Variants in HSPA9 observed in about 807,000 individuals in gnomAD.
The protein encoded by HSPA9 is stress-70 protein, mitochondrial.
HSPA9 carries 28 observed loss-of-function variants against 81.5 expected under a neutral mutation model. The observed-to-expected ratio is 0.34, with a 90% confidence interval of 0.25 to 0.47. HSPA9 has a LOEUF of 0.47. Ranked by LOEUF, HSPA9 falls within the 20% of genes least tolerant of loss-of-function variation. The pLI is 1.00. For synonymous variants in HSPA9, 293 were observed against 290.4 expected (o/e 1.01, Z -0.09); for missense variants, 678 against 838.0 (o/e 0.81, Z 2.36).
chr5:138,570,631 A>G (rs1750862206), intron 4 of HSPA9, among the ~76,000 whole-genome samples: 1 of 152,084 alleles, frequency 6.6e-6, no homozygotes. Context: ...GATTACAGGC[A>G]CCCACCATCA....
intron 2 of HSPA9, 55 bp from the exon 3 acceptor site, chr5:138,573,905 C>T: frequency 1.4e-6 from 2 of 1,397,492 alleles, no homozygotes; most frequent in Non-Finnish European, 2.0e-6. Flanking sequence ...AGACCAAAGT[C>T]ACTGGAAGAT....
At chr5:138,565,951 C>T (rs866798866) in intron 9 of HSPA9, among the ~76,000 whole-genome samples, 4 of 152,194 alleles carry the variant, frequency 2.6e-5, no homozygotes, top group East Asian at 3.9e-4. Context: ...TTTGGGAGGC[C>T]GAGGCAGGTC....
At chr5:138,562,738 G>T (rs1304091886) in intron 9 of HSPA9, among the ~76,000 whole-genome samples, 1 of 152,138 alleles carries the variant, frequency 6.6e-6, no homozygotes, top group African/African-American at 2.4e-5. Context: ...CCTTCACCAA[G>T]TTTTAAAAAT....
chr5:138,561,943 A>T (rs548009919), intron 9 of HSPA9, among the ~76,000 whole-genome samples, 154 bp from the exon 10 acceptor site: 1 of 149,980 alleles, frequency 6.7e-6, no homozygotes, highest in South Asian at 2.1e-4. Context: ...CACCAAGAAT[A>T]CTTTTTTTTT....
intron 9 of HSPA9, among the ~76,000 whole-genome samples, chr5:138,562,411 C>T (rs146122798): frequency 1.2e-4 from 18 of 151,622 alleles, no homozygotes; most frequent in African/African-American, 1.2e-4. Flanking sequence ...ATTAGCCGGG[C>T]GTGGTGGCAC....
chr5:138,556,760 A>C lies in HSPA9; in HGVS notation c.1821+14T>G. On this transcript the variant is annotated intron_variant, in intron 15 of 16. Coordinates refer to ENST00000297185, the MANE Select transcript of HSPA9 (RefSeq NM_004134.7). ...TGTGTTCAACCTCTTGAGTTACTTT[A>C]AAATAGAACTCACCTCATCAGCAGG... 1 of 1,600,858 alleles carries C rather than the reference A, an allele frequency of 6.2e-7. No homozygotes were observed. The highest frequency in any genetic ancestry group is 8.6e-7 in the Non-Finnish European group (1 of 1,167,852).
At chr5:138,562,550 TCAAAAAAA>T (rs952648067) in intron 9 of HSPA9, among the ~76,000 whole-genome samples, 10 of 151,926 alleles carry the variant, frequency 6.6e-5, no homozygotes, top group Non-Finnish European at 1.0e-4. Flanking sequence ...AAACTCCGTC[TCAAAAAAA>T]CAAAAAAACA....
Position 138,558,663 on chromosome 5 carries a change from G to A in HSPA9, c.1411-6C>T. ...TCAGCGGCAGTAGAGAATACCTAGG[G>A]AAGAAGAAACCCTCCTGGGTTGTCA... On this transcript the variant is annotated splice_polypyrimidine_tract_variant and splice_region_variant and intron_variant, in intron 11 of 16. Coordinates refer to ENST00000297185, the MANE Select transcript of HSPA9 (RefSeq NM_004134.7). 2.5e-6 allele frequency: 4 copies of A among 1,578,272 alleles called. No individual in the cohort carries two copies. The highest frequency in any genetic ancestry group is 3.5e-6 in the Non-Finnish European group (4 of 1,147,482).
intron 3 of HSPA9, among the ~76,000 whole-genome samples, chr5:138,573,401 C>T (rs1268003626): frequency 6.6e-6 from 1 of 152,084 alleles, no homozygotes; most frequent in East Asian, 1.9e-4. Flanking sequence ...TGGTTCACAT[C>T]TGTAATCCCA....
intron 8 of HSPA9, 91 bp from the exon 9 acceptor site, chr5:138,566,809 T>G: frequency 8.8e-7 from 1 of 1,141,258 alleles, no homozygotes; most frequent in Non-Finnish European, 1.3e-6. Flanking sequence ...CAAAATGGAG[T>G]CATACCTTTA....
At position 138,554,492 on chromosome 5, in the gene HSPA9, T is replaced by C. The variant is rs947546732; in HGVS notation, c.*1545A>G. Among the ~76,000 whole-genome samples, 12 of 152,212 alleles carry C rather than the reference T, an allele frequency of 7.9e-5. No individual in the cohort carries two copies. Among genetic ancestry groups the C allele is most frequent in the African/African-American group, 2.9e-4 (12 of 41,460 alleles). ...ACCTGAGCCTAGAATTTTTCACGAA[T>C]CCCAAGAATCTTTTACATGGGTGTT... is the stretch of plus-strand genomic sequence containing the variant. On this transcript the variant is annotated 3_prime_UTR_variant, in exon 17 of 17. Coordinates refer to ENST00000297185, the MANE Select transcript of HSPA9 (RefSeq NM_004134.7).
At position 138,554,243 on chromosome 5, in the gene HSPA9, G is replaced by A. The variant is rs1456851737; in HGVS notation, c.*1794C>T. ...AATATATATTTTGCTTGGGCATTTG[G>A]CTCCTCTCTCTGATCCCAAGGATGA... On this transcript the variant is annotated 3_prime_UTR_variant, in exon 17 of 17. Coordinates refer to ENST00000297185, the MANE Select transcript of HSPA9 (RefSeq NM_004134.7). 6.6e-6 allele frequency among the ~76,000 whole-genome samples: 1 copy of A among 152,106 alleles called. No individual in the cohort carries two copies. The highest frequency in any genetic ancestry group is 1.9e-4 in the East Asian group (1 of 5,202).
At position 138,561,713 on chromosome 5, in the gene HSPA9, T is replaced by C. The variant is rs1750664912; in HGVS notation, c.1049A>G (p.Gln350Arg). The change falls in exon 10 of 17, where the codon CAA (glutamine) becomes CGA (arginine). Residue 350 changes from glutamine to arginine, a missense_variant. Physicochemically the swap from Gln to Arg is conservative, Grantham distance 43. This residue lies in a region of HSPA9 where 484 missense variants were observed against 647.5 expected (regional missense o/e 0.75). Coordinates refer to ENST00000297185, the MANE Select transcript of HSPA9 (RefSeq NM_004134.7). ...TAGATCAGTGACAATCCCTTCAAAT[T>C]GAGCACGGGTCAACTTCATATTCAA... The part of the protein sequence containing the change: ...KHLNMKLTRA[Q>R]FEGIVTDLIR... 17 of 1,614,070 alleles carry C rather than the reference T, an allele frequency of 1.1e-5. No individual in the cohort carries two copies. The highest frequency in any genetic ancestry group is 1.4e-5 in the Non-Finnish European group (17 of 1,180,030).
At chr5:138,559,686 C>CA (rs942462070) in intron 11 of HSPA9, 178 bp downstream of exon 11, 38 of 614,308 alleles carry the variant, frequency 6.2e-5, no homozygotes, top group Admixed American at 1.7e-4. Context: ...TTTCTGGTAA[C>CA]AAAAAAACAA....
In HSPA9 at chr5:138,571,046, C is replaced by T. The variant is rs754498058; in HGVS notation, c.324G>A (p.Gln108=). The change falls in exon 4 of 17, where the codon CAG becomes CAA. Residue 108 remains glutamine (Q), a synonymous_variant. Coordinates refer to ENST00000297185, the MANE Select transcript of HSPA9 (RefSeq NM_004134.7). ...ATGTATTGTTTGGGTTGGTGACAGC[C>T]TGTCGCTTGGCCGGCATTCCAACAA... ...ERLVGMPAKR[Q]AVTNPNNTFY... 1 of 1,614,220 alleles carries T rather than the reference C, an allele frequency of 6.2e-7. No homozygotes were observed. The highest frequency in any genetic ancestry group is 1.7e-5 in the Admixed American group (1 of 60,014).
chr5:138,556,675 AAAT>A (rs1750535377), intron 15 of HSPA9, 83 bp from the exon 16 acceptor site: 1 of 1,569,210 alleles, frequency 6.4e-7, no homozygotes, highest in East Asian at 2.2e-5. Context: ...AAACATTTTA[AAAT>A]AATTAAACCC....
intron 3 of HSPA9, among the ~76,000 whole-genome samples, chr5:138,572,577 G>A (rs920573053): frequency 1.3e-5 from 2 of 152,052 alleles, no homozygotes; most frequent in African/African-American, 4.8e-5. Context: ...ATTCCCACCG[G>A]GTTCTTAGCA....
chr5:138,571,642 C>G (rs1198721279), intron 3 of HSPA9, among the ~76,000 whole-genome samples: 3 of 151,566 alleles, frequency 2.0e-5, no homozygotes, highest in African/African-American at 7.3e-5. Context: ...TACTTTCAAA[C>G]TACTATTTTT....
chr5:138,561,878 G>C, intron 9 of HSPA9, 89 bp from the exon 10 acceptor site: 1 of 1,021,846 alleles, frequency 9.8e-7, no homozygotes, highest in Non-Finnish European at 1.6e-6. Flanking sequence ...CCATGCCCTA[G>C]GACAGAAGAC....
Sources: allele counts gnomAD v4.1 joint callset (sites outside exome capture counted in the v4.1 genomes callset), GRCh38; gene constraint gnomAD v4.1.1; regional missense constraint gnomAD v4.1.1; transcripts MANE v1.5; gene names NCBI Gene and HGNC (gene_info 2026-07-23, HGNC 2026-07-21).